The following CHKA variants were observed in gnomAD, a reference collection of about 807,000 sequenced individuals.
CHKA encodes choline kinase alpha.
A neutral mutation model predicts 60.1 loss-of-function variants in CHKA; 34 were observed. That is an observed-to-expected ratio of 0.57 (90% CI 0.43 to 0.75). The LOEUF (loss-of-function observed/expected upper bound fraction) is 0.75. Ranked by LOEUF, CHKA falls within the 30% of genes least tolerant of loss-of-function variation. CHKA has a pLI of 0.00. For missense variants in CHKA, 563 were observed against 561.3 expected (o/e 1.00, Z -0.03); for synonymous variants, 217 against 223.1 (o/e 0.97, Z 0.24).
At chr11:68,103,431 A>G (rs1357457981) in intron 1 of CHKA, among the ~76,000 whole-genome samples, 2 of 152,158 alleles carry the variant, frequency 1.3e-5, no homozygotes, top group East Asian at 3.8e-4. Context: ...TCATTATTAG[A>G]CTGTCTATTT....
chr11:68,101,699 G>A (rs181599905), intron 1 of CHKA, among the ~76,000 whole-genome samples: 1 of 151,974 alleles, frequency 6.6e-6, no homozygotes, highest in African/African-American at 2.4e-5. Context: ...CCAAGGAGGT[G>A]AAAGAGCTCT....
At chr11:68,054,094 T>C in intron 11 of CHKA, 47 bp from the exon 12 acceptor site, 1 of 1,532,748 alleles carries the variant, frequency 6.5e-7, no homozygotes, top group Non-Finnish European at 9.0e-7. Context: ...CCTGCTGGCC[T>C]GAACCCTGCC....
intron 11 of CHKA, among the ~76,000 whole-genome samples, chr11:68,060,194 A>AT (rs927628768): frequency 4.4e-4 from 64 of 145,008 alleles, no homozygotes; most frequent in Middle Eastern, 3.5e-3. Context: ...GGCCCAGCTA[A>AT]TTTTTTTTTT....
chr11:68,105,514 CAAAAAAAAAAA>C (rs1170085830), intron 1 of CHKA, among the ~76,000 whole-genome samples: 9 of 64,954 alleles, frequency 1.4e-4, no homozygotes, highest in Non-Finnish European at 2.2e-4. Flanking sequence ...GACTCCATCT[CAAAAAAAAAAA>C]AAAAAAAAAA....
intron 1 of CHKA, among the ~76,000 whole-genome samples, chr11:68,097,761 T>C (rs1857562587): frequency 6.6e-6 from 1 of 152,188 alleles, no homozygotes; most frequent in South Asian, 2.1e-4. Context: ...TCAACTGATT[T>C]TGACTAGGAG....
intron 1 of CHKA, among the ~76,000 whole-genome samples, chr11:68,117,350 G>C (rs1049698527): frequency 6.6e-6 from 1 of 152,190 alleles, no homozygotes; most frequent in Non-Finnish European, 1.5e-5. Context: ...TGGTTCTGGA[G>C]AAGGAGTGAT....
intron 1 of CHKA, among the ~76,000 whole-genome samples, chr11:68,118,903 G>A (rs1480996242): frequency 6.6e-6 from 1 of 152,212 alleles, no homozygotes; most frequent in East Asian, 1.9e-4. Flanking sequence ...GCTGGATCTA[G>A]GGTGTCCAAA....
intron 5 of CHKA, among the ~76,000 whole-genome samples, 142 bp downstream of exon 5, chr11:68,070,560 CACAAGAAAGACTTACTTATGAG>C (rs1323027931): frequency 2.0e-5 from 3 of 152,172 alleles, no homozygotes; most frequent in Non-Finnish European, 4.4e-5. Context: ...GACTTTTACA[CACAAGAAAGACTTACTTATGAG>C]ACAAGTATCA....
At chr11:68,114,488 G>C (rs1278359096) in intron 1 of CHKA, among the ~76,000 whole-genome samples, 1 of 152,118 alleles carries the variant, frequency 6.6e-6, no homozygotes, top group East Asian at 1.9e-4. Context: ...ACAAGGTCAG[G>C]AGTTCGAGAC....
At chr11:68,120,465 T>TC (rs752248933) in intron 1 of CHKA, among the ~76,000 whole-genome samples, 4 of 152,238 alleles carry the variant, frequency 2.6e-5, no homozygotes, top group African/African-American at 4.8e-5. Flanking sequence ...CACAACACCT[T>TC]CATTCAAGGC....
intron 1 of CHKA, among the ~76,000 whole-genome samples, chr11:68,109,621 C>G (rs577026311): frequency 6.6e-6 from 1 of 152,272 alleles, no homozygotes; most frequent in African/African-American, 2.4e-5. Context: ...CACCAAAAGA[C>G]TGAGACCTCA....
chr11:68,095,362 C>T (rs1857464822), intron 2 of CHKA, among the ~76,000 whole-genome samples: 1 of 123,282 alleles, frequency 8.1e-6, no homozygotes, highest in Admixed American at 1.0e-4. Flanking sequence ...GAGATTGCAC[C>T]ACTGCACTCC....
At chr11:68,093,986 A>G (rs1201076228) in intron 2 of CHKA, among the ~76,000 whole-genome samples, 1 of 152,246 alleles carries the variant, frequency 6.6e-6, no homozygotes, top group Non-Finnish European at 1.5e-5. Context: ...TCCCATCACT[A>G]TAGCACTGTT....
intron 1 of CHKA, among the ~76,000 whole-genome samples, chr11:68,103,176 T>C (rs1459483204): frequency 6.6e-6 from 1 of 151,978 alleles, no homozygotes; most frequent in Non-Finnish European, 1.5e-5. Context: ...CAGACATTTA[T>C]CAAAAGATGA....
chr11:68,100,695 C>T (rs1815905739), intron 1 of CHKA, among the ~76,000 whole-genome samples: 1 of 151,362 alleles, frequency 6.6e-6, no homozygotes, highest in African/African-American at 2.4e-5. Context: ...TATATGCACA[C>T]ACACACACAT....
chr11:68,101,093 G>A (rs1272183160), intron 1 of CHKA, among the ~76,000 whole-genome samples: 4 of 151,430 alleles, frequency 2.6e-5, no homozygotes, highest in African/African-American at 4.8e-5. Flanking sequence ...GACTACAGGC[G>A]CCCACCACCA....
At chr11:68,055,386 CTG>C (rs1855974757) in intron 11 of CHKA, among the ~76,000 whole-genome samples, 1 of 152,174 alleles carries the variant, frequency 6.6e-6, no homozygotes, top group Admixed American at 6.5e-5. Flanking sequence ...GAGTGAGACT[CTG>C]TCTCAAAAAC....
Position 68,070,798 on chromosome 11 carries a change from C to A in CHKA, c.690G>T (p.Glu230Asp). 6.2e-7 allele frequency: 1 copy of A among 1,613,198 alleles called. No homozygotes were observed. Among genetic ancestry groups the A allele is most frequent in the Non-Finnish European group, 8.5e-7 (1 of 1,179,216 alleles). ...SLPDISAEIA[E>D]KMATFHGMKM... ...TCATACCATGAAATGTAGCCATTTT[C>A]TCGGCGATTTCTGCAGAAATATCTG... Residue 230 changes from glutamate to aspartate, a missense_variant, in exon 5 of 12, where the codon GAG (glutamate) becomes GAT (aspartate). Transcript: ENST00000265689.
intron 1 of CHKA, among the ~76,000 whole-genome samples, chr11:68,118,936 G>C (rs549909307): frequency 2.0e-5 from 3 of 152,226 alleles, no homozygotes; most frequent in Admixed American, 6.5e-5. Context: ...CCGCAGGCTA[G>C]AGCACTGGTG....
Sources: gnomAD v4.1 joint callset for allele counts (sites outside exome capture counted in the v4.1 genomes callset) on GRCh38, gnomAD v4.1.1 for gene constraint, MANE v1.5 for transcripts, NCBI Gene and HGNC (gene_info 2026-07-23, HGNC 2026-07-21) for gene names.